Variants in SORBS2 observed in about 807,000 individuals in gnomAD.
SORBS2 encodes the protein sorbin and SH3 domain-containing protein 2.
Under a neutral mutation model 97.7 loss-of-function variants are expected in SORBS2, and 46 were observed. The ratio of observed to expected loss-of-function variants is 0.47; its 90% CI spans 0.37 to 0.60. The LOEUF (loss-of-function observed/expected upper bound fraction) is 0.60, where lower values mean the gene tolerates loss of function less well. Among genes scored for constraint, SORBS2 ranks in the 20% least tolerant of loss-of-function variants. The pLI is 0.00. For missense variants in SORBS2, 1,316 were observed against 1,282.3 expected, an observed-to-expected ratio of 1.03 and a Z score of -0.40; for synonymous variants, 476 against 473.4, an observed-to-expected ratio of 1.01 and a Z score of -0.07.
chr4:185,702,292 A>G (rs980065916), intron 2 of SORBS2, among the ~76,000 whole-genome samples: 1 of 152,088 alleles, frequency 6.6e-6, no homozygotes, highest in Admixed American at 6.5e-5. Flanking sequence ...GGAGGGGAGA[A>G]GGTTAAAGGG....
chr4:185,785,229 A>AG (rs1448752040), intron 1 of SORBS2, among the ~76,000 whole-genome samples: 4 of 152,066 alleles, frequency 2.6e-5, no homozygotes, highest in African/African-American at 9.7e-5. Flanking sequence ...TAAAAAAAAA[A>AG]ACAAAAAACC....
chr4:185,806,619 G>A (rs1214461432), intron 1 of SORBS2, among the ~76,000 whole-genome samples: 5 of 151,192 alleles, frequency 3.3e-5, no homozygotes, highest in Non-Finnish European at 5.9e-5. Flanking sequence ...CACTACGCCC[G>A]GCTAATTTTT....
intron 1 of SORBS2, among the ~76,000 whole-genome samples, chr4:185,931,812 G>GACACACACACAC (rs56398253): frequency 3.3e-5 from 5 of 150,790 alleles, no homozygotes; most frequent in African/African-American, 4.9e-5. Context: ...GAGACAGACA[G>GACACACACACAC]ACACACACAC....
intron 2 of SORBS2, among the ~76,000 whole-genome samples, chr4:185,688,505 A>G (rs55926444): frequency 0.28 from 36,021 of 128,036 alleles, 4,710 homozygotes; most frequent in Admixed American, 0.38. Flanking sequence ...TAGATAGATA[A>G]ATAGATAGAT....
At chr4:185,710,583 GCTGA>G (rs1389023478) in intron 2 of SORBS2, among the ~76,000 whole-genome samples, 1 of 152,168 alleles carries the variant, frequency 6.6e-6, no homozygotes, top group East Asian at 1.9e-4. Flanking sequence ...TTTCCTACAT[GCTGA>G]CTGTTTGTGT....
At chr4:185,620,294 A>T (rs1409260336) in intron 7 of SORBS2, 143 bp from the exon 20 acceptor site, 3 of 653,024 alleles carry the variant, frequency 4.6e-6, no homozygotes, top group African/African-American at 1.8e-5. Flanking sequence ...TAAAACTCAT[A>T]GTTCATTACA....
intron 1 of SORBS2, among the ~76,000 whole-genome samples, chr4:185,932,485 C>A (rs2099266969): frequency 6.6e-6 from 1 of 152,070 alleles, no homozygotes; most frequent in East Asian, 1.9e-4. Flanking sequence ...AAAATCCCCA[C>A]ACATTAAGTA....
At chr4:185,725,270 G>T (rs930523780) in intron 2 of SORBS2, among the ~76,000 whole-genome samples, 1 of 152,174 alleles carries the variant, frequency 6.6e-6, no homozygotes, top group Non-Finnish European at 1.5e-5. Flanking sequence ...TGCAAAAAGC[G>T]CCAGGCTGCA....
chr4:185,923,087 G>A (rs1184471658), intron 1 of SORBS2, among the ~76,000 whole-genome samples: 1 of 152,194 alleles, frequency 6.6e-6, no homozygotes, highest in Non-Finnish European at 1.5e-5. Flanking sequence ...GAGGTTAAGA[G>A]CATTAAAGGG....
intron 1 of SORBS2, among the ~76,000 whole-genome samples, chr4:185,784,487 C>T (rs1220010884): frequency 6.6e-6 from 1 of 152,104 alleles, no homozygotes; most frequent in Non-Finnish European, 1.5e-5. Flanking sequence ...ATGCAGATGT[C>T]ATTCTGTGGG....
chr4:185,679,854 C>T lies in SORBS2; in HGVS notation c.-197-1032G>A, dbSNP rs10032901. 9.0e-3 allele frequency among the ~76,000 whole-genome samples: 1,365 copies of T among 152,262 alleles called. 26 individuals carry two copies. The highest frequency in any genetic ancestry group is 0.031 in the African/African-American group (1,272 of 41,550). On this transcript the variant is annotated intron_variant, in intron 2 of 20. Coordinates refer to the SORBS2 transcript ENST00000284776. The stretch of plus-strand genomic sequence containing the variant: ...TTATTTTCAAGTTTAAACACATGAA[C>T]TTAGAATGATAAAAATGGGCTGAGA...
chr4:185,673,897 C>CTT (rs2097757081), intron 4 of SORBS2, among the ~76,000 whole-genome samples: 1 of 152,202 alleles, frequency 6.6e-6, no homozygotes, highest in African/African-American at 2.4e-5. Flanking sequence ...CACACATTTT[C>CTT]CTCACATGGC....
Position 185,721,715 on chromosome 4 carries a change from G to A in SORBS2, c.-197-42893C>T, listed in dbSNP as rs376544713. 1.4e-4 allele frequency among the ~76,000 whole-genome samples: 21 copies of A among 152,310 alleles called. 1 individual carries two copies. The highest frequency in any genetic ancestry group is 4.8e-4 in the African/African-American group (20 of 41,580). On this transcript the variant is annotated intron_variant, in intron 2 of 20. Coordinates refer to the SORBS2 transcript ENST00000284776. ...TACCCAGATCTTTCTGCATAGTCAA[G>A]TGGCTTATGTTTTGCACGCATTGGA... is the stretch of plus-strand genomic sequence containing the variant.
At chr4:185,827,213 C>CCATCAT (rs1447817154) in intron 1 of SORBS2, among the ~76,000 whole-genome samples, 1 of 41,022 alleles carries the variant, frequency 2.4e-5, no homozygotes, top group African/African-American at 9.0e-5. Context: ...ACCATCATCA[C>CCATCAT]CATCATCACC....
At chr4:185,676,341 C>A (rs949317050) in intron 4 of SORBS2, among the ~76,000 whole-genome samples, 3 of 152,092 alleles carry the variant, frequency 2.0e-5, no homozygotes, top group African/African-American at 4.8e-5. Flanking sequence ...ATGGAGAAGT[C>A]AAAAAGAGAA....
chr4:185,778,445 G>C (rs2099011034), intron 1 of SORBS2, among the ~76,000 whole-genome samples: 1 of 152,114 alleles, frequency 6.6e-6, no homozygotes, highest in South Asian at 2.1e-4. Context: ...GATCTTGTTA[G>C]AAACGCAAAA....
intron 1 of SORBS2, among the ~76,000 whole-genome samples, chr4:185,799,395 G>T (rs1003463857): frequency 1.3e-5 from 2 of 152,236 alleles, no homozygotes; most frequent in Non-Finnish European, 2.9e-5. Flanking sequence ...TAGCAAACCG[G>T]GTAGTGGGAA....
At chr4:185,652,204 G>A (rs1333116725) in intron 2 of SORBS2, among the ~76,000 whole-genome samples, 1 of 152,228 alleles carries the variant, frequency 6.6e-6, no homozygotes, top group East Asian at 1.9e-4. Flanking sequence ...GCAAAGTCAG[G>A]CCCTTGTCCT....
intron 2 of SORBS2, among the ~76,000 whole-genome samples, chr4:185,724,163 G>A (rs1186558057): frequency 2.6e-5 from 4 of 152,088 alleles, no homozygotes; most frequent in Admixed American, 2.6e-4. Flanking sequence ...AAGATCCAGG[G>A]TTTCTTAACC....
Sources: allele counts gnomAD v4.1 joint callset (sites outside exome capture counted in the v4.1 genomes callset), GRCh38; gene constraint gnomAD v4.1.1; transcripts MANE v1.5; gene names NCBI Gene and HGNC (gene_info 2026-07-23, HGNC 2026-07-21).